Variants in TBC1D8B observed in about 807,000 individuals in gnomAD.
The protein encoded by TBC1D8B is RP11-321G1.1.
In TBC1D8B, 75 loss-of-function variants were observed where a neutral mutation model predicts 82.9. That is an observed-to-expected ratio of 0.90 (90% CI 0.75 to 1.10). The LOEUF is 1.10. TBC1D8B is among the 50% of genes least tolerant of loss of function. The pLI is 0.00. For missense variants in TBC1D8B, 794 were observed against 796.9 expected, an observed-to-expected ratio of 1.00 and a Z score of 0.04; for synonymous variants, 276 against 276.8, an observed-to-expected ratio of 1.00 and a Z score of 0.03.
At chrX:106,823,542 A>G (rs1368361683) in intron 5 of TBC1D8B, 76 bp downstream of exon 5, 2 of 1,073,497 alleles carry the variant, frequency 1.9e-6, no homozygotes, top group Non-Finnish European at 2.5e-6. Context: ...TTACCATTAA[A>G]AGTTAACTCT....
At chrX:106,836,499 C>A (rs777467404) in intron 7 of TBC1D8B, among the ~76,000 whole-genome samples, 84 of 111,418 alleles carry the variant, frequency 7.5e-4, no homozygotes, top group African/African-American at 2.7e-3. Context: ...TTTTCCTCTG[C>A]CTCAGTCATG....
At chrX:106,836,104 G>A (rs1271690138) in intron 7 of TBC1D8B, among the ~76,000 whole-genome samples, 2 of 111,768 alleles carry the variant, frequency 1.8e-5, no homozygotes, top group African/African-American at 6.5e-5. Context: ...CCAAGACTGG[G>A]TAATAAAGCA....
intron 6 of TBC1D8B, among the ~76,000 whole-genome samples, chrX:106,826,578 C>A (rs1352780979): frequency 2.7e-5 from 2 of 73,464 alleles, no homozygotes; most frequent in Non-Finnish European, 5.0e-5. Context: ...CCCCTCCCCC[C>A]ACCCCACAAC....
intron 14 of TBC1D8B, among the ~76,000 whole-genome samples, chrX:106,858,783 A>G (rs970830826): frequency 9.0e-6 from 1 of 111,042 alleles, no homozygotes. Context: ...AATCTTTGCC[A>G]CCGCCTATAT....
At chrX:106,804,042 C>T (rs780761910) in intron 1 of TBC1D8B, among the ~76,000 whole-genome samples, 9 of 111,759 alleles carry the variant, frequency 8.1e-5, no homozygotes, top group Admixed American at 6.6e-4. Context: ...CTGTGTGCCA[C>T]AAGGTTCACA....
chrX:106,866,133 A>C (rs1932813929), intron 16 of TBC1D8B, 100 bp downstream of exon 16: 2 of 861,883 alleles, frequency 2.3e-6, no homozygotes, highest in Admixed American at 6.6e-5. Flanking sequence ...CATGGGTTAC[A>C]GTGTGTTTAG....
chrX:106,871,909 C>T (rs965609303), intron 20 of TBC1D8B, among the ~76,000 whole-genome samples: 4 of 111,568 alleles, frequency 3.6e-5, no homozygotes, highest in Admixed American at 1.9e-4. Flanking sequence ...GGGTCCCAAG[C>T]GCAGGAGCTT....
chrX:106,807,815 G>A lies in TBC1D8B; in HGVS notation c.130+4832G>A, dbSNP rs758243284. 4.5e-5 allele frequency among the ~76,000 whole-genome samples: 5 copies of A among 111,467 alleles called. No homozygotes were observed. The East Asian group carries it at 1.4e-3, about 31-fold the overall frequency. On this transcript the variant is annotated intron_variant, in intron 1 of 20. Transcript: ENST00000357242. ...CGCCTGTAATCCCAGTACTTTGGGA[G>A]GCCAAGGCGGGCGGATCATTTGAGG...
At chrX:106,818,836 T>G in intron 2 of TBC1D8B, 63 bp downstream of exon 2, 1 of 871,810 alleles carries the variant, frequency 1.1e-6, no homozygotes, top group Non-Finnish European at 1.6e-6. Flanking sequence ...TGAGTATTCA[T>G]ATTTATTTAT....
At chrX:106,804,488 G>T (rs1459058448) in intron 1 of TBC1D8B, among the ~76,000 whole-genome samples, 1 of 111,887 alleles carries the variant, frequency 8.9e-6, no homozygotes, top group African/African-American at 3.2e-5. Flanking sequence ...TTGCAGAAGA[G>T]TCTTTCCATT....
intron 7 of TBC1D8B, among the ~76,000 whole-genome samples, chrX:106,834,178 A>G (rs967643560): frequency 2.7e-5 from 3 of 111,389 alleles, no homozygotes; most frequent in African/African-American, 9.8e-5. Context: ...AAGAGGTTTA[A>G]TTGACTCACA....
At position 106,853,573 on chromosome X, in the gene TBC1D8B, C is replaced by T; in HGVS notation, c.2176C>T (p.Gln726Ter). Reference protein sequence around the residue: ...KDSPLPSNVQQGSNVSDEKTS... With the variant: ...KDSPLPSNVQ ...TAGTCCATTGCCTTCAAATGTTCAG[C>T]AAGGTTCAAATGTGAGTGATGAAAA... The change falls in exon 13 of 21, where the codon CAA (glutamine) becomes TAA (stop). Residue 726 changes from glutamine (Q) to a stop codon, truncating the protein, a stop_gained. Transcript: ENST00000357242. LOFTEE classifies it high-confidence loss of function. 8.3e-7 allele frequency: 1 copy of T among 1,207,748 alleles called. No homozygotes were observed. Among genetic ancestry groups the T allele is most frequent in the Non-Finnish European group, 1.1e-6 (1 of 892,356 alleles).
chrX:106,862,786 T>TG (rs1569455871), intron 14 of TBC1D8B, among the ~76,000 whole-genome samples: 12 of 94,977 alleles, frequency 1.3e-4, no homozygotes, highest in South Asian at 5.5e-4. Flanking sequence ...GTTTTTTTTT[T>TG]TTTTTTTTTT....
chrX:106,836,306 G>A (rs979552582), intron 7 of TBC1D8B, among the ~76,000 whole-genome samples: 1 of 111,272 alleles, frequency 9.0e-6, no homozygotes, highest in African/African-American at 3.3e-5. Flanking sequence ...GAGGTAAACC[G>A]TCCCCATGAT....
chrX:106,820,880 C>A lies in TBC1D8B; in HGVS notation c.245C>A (p.Ala82Asp), dbSNP rs756459601. 8 of 1,163,343 alleles carry A rather than the reference C, an allele frequency of 6.9e-6. No homozygotes were observed. In the South Asian group the frequency reaches 1.6e-4, roughly 23 times the overall value. Residue 82 changes from alanine to aspartate, a missense_variant, in exon 3 of 21, where the codon GCC (alanine) becomes GAC (aspartate). Coordinates refer to ENST00000357242, the MANE Select transcript of TBC1D8B (RefSeq NM_017752.3). ...SQVYLSIACG[A>D]NREEITKHWD... The stretch of plus-strand genomic sequence containing the variant: ...ATTTTCTTGTGTTATTAATCAGGAG[C>A]CAACAGAGAAGAAATAACCAAGCAT...
chrX:106,863,140 T>G (rs1431591645), intron 14 of TBC1D8B, among the ~76,000 whole-genome samples: 1 of 112,329 alleles, frequency 8.9e-6, no homozygotes, highest in Non-Finnish European at 1.9e-5. Context: ...ATGCATTGGC[T>G]CAGGCTGGGT....
chrX:106,827,333 C>G lies in TBC1D8B; in HGVS notation c.1199C>G (p.Thr400Arg). 1 of 1,209,343 alleles carries G rather than the reference C, an allele frequency of 8.3e-7. No homozygotes were observed. The highest frequency in any genetic ancestry group is 1.8e-5 in the South Asian group (1 of 56,795). ...TCAACTCAATATCATGATATTAGCACAGAGGTAATTAATTATACAGCAATC... is the reference window on the plus strand; with the variant it reads ...TCAACTCAATATCATGATATTAGCAGAGAGGTAATTAATTATACAGCAATC... The part of the protein sequence containing the change: ...AASTQYHDIS[T>R]ELAISSESTE... Residue 400 changes from threonine (T) to arginine (R), a missense_variant, in exon 7 of 21, where the codon ACA (threonine) becomes AGA (arginine). Physicochemically the swap from Thr to Arg is moderately conservative, Grantham distance 71. Transcript: ENST00000357242.
At chrX:106,803,042 T>C in intron 1 of TBC1D8B, 59 bp downstream of exon 1, 3 of 1,120,588 alleles carry the variant, frequency 2.7e-6, no homozygotes, top group Non-Finnish European at 3.5e-6. Context: ...TAAAAGGTGG[T>C]GAGGACAACA....
chrX:106,856,030 T>C (rs1485887182), intron 14 of TBC1D8B, among the ~76,000 whole-genome samples: 7 of 112,174 alleles, frequency 6.2e-5, no homozygotes, highest in African/African-American at 2.3e-4. Context: ...GAGCTAGACC[T>C]TGTCTCTAAA....
Sources: gnomAD v4.1 joint callset for allele counts (sites outside exome capture counted in the v4.1 genomes callset) on GRCh38, gnomAD v4.1.1 for gene constraint, MANE v1.5 for transcripts, NCBI Gene and HGNC (gene_info 2026-07-23, HGNC 2026-07-21) for gene names.